Variants in PCDHGA1 observed in about 807,000 individuals in gnomAD.
PCDHGA1 encodes the protein protocadherin gamma-A1.
A neutral mutation model predicts 58.0 loss-of-function variants in PCDHGA1; 32 were observed. The observed-to-expected ratio is 0.55, with a 90% CI of 0.42 to 0.74. The LOEUF (loss-of-function observed/expected upper bound fraction) is 0.74. Among genes scored for constraint, PCDHGA1 ranks in the 30% least tolerant of loss-of-function variants. The pLI, the probability that PCDHGA1 is intolerant of heterozygous loss-of-function variation, is 0.00. For missense variants in PCDHGA1, 1,205 were observed against 1,182.3 expected, an observed-to-expected ratio of 1.02 and a Z score of -0.28; for synonymous variants, 498 against 501.1, an observed-to-expected ratio of 0.99 and a Z score of 0.08.
At chr5:141,393,857 C>A (rs753457502) in intron 1 of PCDHGA1, 3 of 1,613,860 alleles carry the variant, frequency 1.9e-6, no homozygotes, top group Non-Finnish European at 2.5e-6. Flanking sequence ...CAGAAGTGAT[C>A]ATTACGTCTT....
chr5:141,360,033 C>G, intron 1 of PCDHGA1: 1 of 1,391,410 alleles, frequency 7.2e-7, no homozygotes, highest in Non-Finnish European at 9.5e-7. Context: ...AGTATAGATT[C>G]GGAAACAGAA....
chr5:141,450,413 T>G (rs549247554), intron 1 of PCDHGA1, among the ~76,000 whole-genome samples: 1 of 152,334 alleles, frequency 6.6e-6, no homozygotes, highest in African/African-American at 2.4e-5. Context: ...GCCATTTGTC[T>G]TGTATAATGC....
intron 1 of PCDHGA1, chr5:141,414,815 G>T (rs1437985019): frequency 2.2e-5 from 35 of 1,614,236 alleles, no homozygotes; most frequent in Non-Finnish European, 2.9e-5. Flanking sequence ...CCTCCACTCA[G>T]CAGCAACGTG....
At chr5:141,423,695 G>T in intron 1 of PCDHGA1, 1 of 1,338,020 alleles carries the variant, frequency 7.5e-7, no homozygotes, top group Non-Finnish European at 9.7e-7. Context: ...AATTGTTGGT[G>T]TCTTGGCACA....
chr5:141,357,450 G>A (rs541013509), intron 1 of PCDHGA1: 2 of 1,614,196 alleles, frequency 1.2e-6, no homozygotes, highest in East Asian at 2.2e-5. Flanking sequence ...GGGCTTTCCT[G>A]CAGACCTATT....
chr5:141,374,708 C>T (rs974732178), intron 1 of PCDHGA1: 3 of 1,609,146 alleles, frequency 1.9e-6, no homozygotes, highest in South Asian at 2.2e-5. Flanking sequence ...AGCCGTTTAC[C>T]GCCTGGTCCT....
chr5:141,446,558 T>G (rs1413501675), intron 1 of PCDHGA1, among the ~76,000 whole-genome samples: 3 of 151,788 alleles, frequency 2.0e-5, no homozygotes, highest in Non-Finnish European at 1.5e-5. Flanking sequence ...CTCACTGCAA[T>G]CTCTGCCTCC....
Position 141,368,993 on chromosome 5 carries a change from G to A in PCDHGA1, c.2421+35888G>A, listed in dbSNP as rs968608216. Among the ~76,000 whole-genome samples, 4 of 152,098 alleles carry A rather than the reference G, an allele frequency of 2.6e-5. No homozygotes were observed. The East Asian group carries it at 5.8e-4, about 22-fold the overall frequency. Reference sequence around the variant, plus strand: ...TGCTTTTCCACTATAAGGTGAATTCGGTGTGGAACTCATTGCTTATTGCTG... The same window carrying A: ...TGCTTTTCCACTATAAGGTGAATTCAGTGTGGAACTCATTGCTTATTGCTG... On this transcript the variant is annotated intron_variant, in intron 1 of 3. Transcript: ENST00000517417.
At chr5:141,398,273 A>G (rs1223394149) in intron 1 of PCDHGA1, 1 of 1,414,722 alleles carries the variant, frequency 7.1e-7, no homozygotes, top group Non-Finnish European at 9.6e-7. Flanking sequence ...GTAGTGGGGA[A>G]CCTCGCCACG....
chr5:141,394,358 T>C (rs535265859), intron 1 of PCDHGA1: 13 of 1,614,188 alleles, frequency 8.1e-6, no homozygotes, highest in Middle Eastern at 1.6e-4. Flanking sequence ...GTGTCCTGTA[T>C]GCGCTGCAAT....
intron 1 of PCDHGA1, among the ~76,000 whole-genome samples, chr5:141,455,290 T>C (rs551962783): frequency 5.3e-5 from 8 of 152,206 alleles, no homozygotes; most frequent in East Asian, 1.9e-4. Flanking sequence ...TCACTTTACA[T>C]AGTTTCATCT....
In PCDHGA1 at chr5:141,487,406, C is replaced by T; in HGVS notation, c.2422-7401C>T. The T allele has an allele frequency of 6.2e-7, 1 of 1,614,200 alleles. No individual in the cohort carries two copies. The highest frequency in any genetic ancestry group is 8.5e-7 in the Non-Finnish European group (1 of 1,180,044). ...ATCTCGAAGGAGGGAGGGGCTTCCC[C>T]CTTCCAATGGGATCCTCCGAATCCA... On this transcript the variant is annotated intron_variant, in intron 1 of 3. Coordinates refer to ENST00000517417, the MANE Select transcript of PCDHGA1 (RefSeq NM_018912.3). The surrounding 1 kb of genome is among the most constrained non-coding windows in gnomAD (Gnocchi z 5.0).
At chr5:141,418,599 A>G in intron 1 of PCDHGA1, 1 of 1,614,054 alleles carries the variant, frequency 6.2e-7, no homozygotes, top group South Asian at 1.1e-5. Flanking sequence ...CAGGACGTGT[A>G]CAGGGTTAGC....
rs1190379074 is a variant in PCDHGA1 at position 141,352,458 on chromosome 5, C to T, written c.2421+19353C>T. On this transcript the variant is annotated intron_variant, in intron 1 of 3. Coordinates refer to ENST00000517417, the MANE Select transcript of PCDHGA1 (RefSeq NM_018912.3). ...ACCGGTCTCTGCTCCAAGTCTGGGC[C>T]CGGGGTTCCTCCCAACCACAGCGAG... The T allele has an allele frequency of 3.1e-6, 5 of 1,613,938 alleles. No individual in the cohort carries two copies. The African/African-American group carries it at 6.7e-5, about 22-fold the overall frequency.
At chr5:141,435,055 A>T (rs148331367) in intron 1 of PCDHGA1, among the ~76,000 whole-genome samples, 5 of 152,124 alleles carry the variant, frequency 3.3e-5, no homozygotes, top group Non-Finnish European at 7.4e-5. Flanking sequence ...TTGACCATGC[A>T]GCAGTTTTGT....
In PCDHGA1 at chr5:141,394,984, T is replaced by C. The variant is rs777878747; in HGVS notation, c.2421+61879T>C. On this transcript the variant is annotated intron_variant, in intron 1 of 3. Transcript: ENST00000517417. ...CTGAGGCGCTGGCACAAGTCACGCC[T>C]GCTCCAGGATTCCGGTGGCAGATTG... 5 of 1,614,026 alleles carry C rather than the reference T, an allele frequency of 3.1e-6. 1 individual carries two copies. In the South Asian group the frequency reaches 4.4e-5, roughly 14 times the overall value.
Position 141,331,488 on chromosome 5 carries a change from C to T in PCDHGA1, c.804C>T (p.Asp268=). 1 of 1,614,192 alleles carries T rather than the reference C, an allele frequency of 6.2e-7. No homozygotes were observed. Among genetic ancestry groups the T allele is most frequent in the South Asian group, 1.1e-5 (1 of 91,074 alleles). ...AGCTGCTCATGGTAAATGCCACTGA[C>T]CCTGATGAGGGAGCCAATGGGGAAG... ...GTQLLMVNAT[D]PDEGANGEVT... The change falls in exon 1 of 4, where the codon GAC becomes GAT. Residue 268 remains aspartate (D), a synonymous_variant. Coordinates refer to ENST00000517417, the MANE Select transcript of PCDHGA1 (RefSeq NM_018912.3).
At position 141,432,207 on chromosome 5, in the gene PCDHGA1, A is replaced by G. The variant is rs1181424938; in HGVS notation, c.2422-62600A>G. 3 of 1,614,176 alleles carry G rather than the reference A, an allele frequency of 1.9e-6. No homozygotes were observed. The highest frequency in any genetic ancestry group is 2.5e-6 in the Non-Finnish European group (3 of 1,180,026). ...ACCGCCCACGACCCCGACTGTGAAG[A>G]GAACGCCCAGATCACTTATTCCCTG... On this transcript the variant is annotated intron_variant, in intron 1 of 3. Transcript: ENST00000517417. The surrounding 1 kb of genome is among the most constrained non-coding windows in gnomAD (Gnocchi z 6.0).
intron 1 of PCDHGA1, chr5:141,376,734 C>T (rs1773305109): frequency 5.7e-6 from 3 of 526,518 alleles, no homozygotes; most frequent in South Asian, 4.6e-5. Context: ...GGCCGGACTG[C>T]GGACTGCAGT....
Sources: gnomAD v4.1 joint callset for allele counts (sites outside exome capture counted in the v4.1 genomes callset) on GRCh38, gnomAD v4.1.1 for gene constraint, Gnocchi (gnomAD v3.1) non-coding constraint, MANE v1.5 for transcripts, NCBI Gene and HGNC (gene_info 2026-07-23, HGNC 2026-07-21) for gene names.